The following RPAIN variants were observed in gnomAD, a reference collection of about 807,000 sequenced individuals.
The protein encoded by RPAIN is RPA-interacting protein.
In RPAIN, 29 loss-of-function variants were observed where a neutral mutation model predicts 30.5. That is an observed-to-expected ratio of 0.95 (90% confidence interval 0.71 to 1.30). The LOEUF (loss-of-function observed/expected upper bound fraction) is 1.30, where lower values mean the gene tolerates loss of function less well. RPAIN is among the 50% of genes most tolerant of loss of function. The pLI is 0.00. For missense variants in RPAIN, 247 were observed against 264.7 expected (o/e 0.93, Z 0.46); for synonymous variants, 101 against 93.5 (o/e 1.08, Z -0.46).
chr17:5,429,251 C>T, intron 6 of RPAIN: 10 of 985,158 alleles, frequency 1.0e-5, no homozygotes, highest in Non-Finnish European at 1.2e-5. Context: ...TTTAACTTGG[C>T]CTTGAAGCAT....
At chr17:5,425,165 T>G in intron 3 of RPAIN, 2 of 377,068 alleles carry the variant, frequency 5.3e-6, no homozygotes, top group Non-Finnish European at 1.0e-5. Flanking sequence ...TTCCCTAATG[T>G]CTAGACTGTG....
At chr17:5,423,928 T>TATG (rs1597340978) in intron 3 of RPAIN, among the ~76,000 whole-genome samples, 2 of 136,030 alleles carry the variant, frequency 1.5e-5, no homozygotes, top group Non-Finnish European at 3.1e-5. Flanking sequence ...AATTTTTTTT[T>TATG]ATTAATTTTT....
At chr17:5,431,689 G>T (rs1597347564) in intron 6 of RPAIN, 1 of 454,358 alleles carries the variant, frequency 2.2e-6, no homozygotes, top group South Asian at 1.6e-5. Context: ...AGGATGTGTT[G>T]AAAGATAGGG....
At chr17:5,431,653 G>T in intron 6 of RPAIN, 1 of 456,662 alleles carries the variant, frequency 2.2e-6, no homozygotes, top group Non-Finnish European at 4.4e-6. Flanking sequence ...AGGTCAGGAC[G>T]TAGGGACGCT....
intron 3 of RPAIN, 40 bp downstream of exon 3, chr17:5,422,869 T>A: frequency 6.9e-7 from 1 of 1,444,320 alleles, no homozygotes; most frequent in Non-Finnish European, 9.7e-7. Flanking sequence ...TGTATTTAGC[T>A]ACTGGAATAC....
intron 6 of RPAIN, chr17:5,429,664 A>G (rs1000595902): frequency 1.0e-6 from 1 of 985,458 alleles, no homozygotes; most frequent in South Asian, 4.7e-5. Context: ...CCTGTTGACT[A>G]CAAGCATATG....
chr17:5,432,193 C>T, intron 6 of RPAIN: 1 of 239,810 alleles, frequency 4.2e-6, no homozygotes, highest in Non-Finnish European at 8.1e-6. Flanking sequence ...TCTCATCTTC[C>T]TGCTGGGCTC....
At chr17:5,428,697 C>T in intron 6 of RPAIN, 1 of 972,958 alleles carries the variant, frequency 1.0e-6, no homozygotes, top group Non-Finnish European at 1.3e-6. Flanking sequence ...AAGGGAACCA[C>T]CTGTCTTAGA....
At position 5,432,799 on chromosome 17, in the gene RPAIN, ATG is replaced by A; in HGVS notation, c.*230_*231del. On this transcript the variant is annotated 3_prime_UTR_variant, in exon 7 of 7. Transcript: ENST00000381209. ...GCCTTGGAGGAGATAAACCAATTTT[ATG>A]TCTATCATGTTATACAAAAATCTAG... is the stretch of plus-strand genomic sequence containing the variant. 1 of 795,754 alleles carries A rather than the reference ATG, an allele frequency of 1.3e-6. No individual in the cohort carries two copies. Among genetic ancestry groups the A allele is most frequent in the South Asian group, 2.3e-5 (1 of 43,458 alleles). The allele number at this position is 795,754 out of a possible 1,614,324, so 49.3% of individuals were successfully genotyped here.
At chr17:5,430,717 A>G (rs77718797) in intron 6 of RPAIN, 2,219 of 152,388 alleles carry the variant, frequency 0.015, 32 homozygotes, top group Middle Eastern at 0.051. Context: ...ATATTAATAA[A>G]GAGGTGCTTA....
chr17:5,429,357 A>C, intron 6 of RPAIN: 1 of 985,530 alleles, frequency 1.0e-6, no homozygotes, highest in South Asian at 4.7e-5. Flanking sequence ...GAGAAGCAGG[A>C]AACTGGAGTA....
chr17:5,429,555 G>T (rs1915713407), intron 6 of RPAIN: 1 of 985,336 alleles, frequency 1.0e-6, no homozygotes, highest in South Asian at 4.7e-5. Flanking sequence ...GCTGTTTCCT[G>T]CTCCAGGCTC....
chr17:5,421,574 C>G, intron 2 of RPAIN, 108 bp downstream of exon 2: 1 of 919,220 alleles, frequency 1.1e-6, no homozygotes, highest in Non-Finnish European at 1.6e-6. Flanking sequence ...ATTCCCCTAA[C>G]CCCATTTAGA....
rs375001488 is a variant in RPAIN, at chr17:5,421,348, G to A, written c.134G>A (p.Arg45His). The part of the protein sequence containing the change: ...NSRDRLLNRY[R>H]QAGSSGPGNS... ...CGGGACAGGCTCCTAAACAGGTACC[G>A]CCAGGCTGGAAGCAGTGGGCCAGGG... The change falls in exon 2 of 7, where the codon CGC (arginine) becomes CAC (histidine). Residue 45 changes from arginine (R) to histidine (H), a missense_variant. Transcript: ENST00000381209. 4 of 1,613,602 alleles carry A rather than the reference G, an allele frequency of 2.5e-6. No individual in the cohort carries two copies. The highest frequency in any genetic ancestry group is 1.3e-5 in the African/African-American group (1 of 74,760).
chr17:5,425,156 TCC>T, intron 3 of RPAIN: 1 of 348,576 alleles, frequency 2.9e-6, no homozygotes, highest in African/African-American at 2.2e-5. Flanking sequence ...TTTGACCCCT[TCC>T]CTAATGTCTA....
rs772150794 is a variant in RPAIN at position 5,428,312 on chromosome 17, A to G, written c.630+101A>G. ...TGACCTATAAACAGGTAAATGTTTA[A>G]TGCAGTTTATTATCTGAGGAATTTA... On this transcript the variant is annotated intron_variant, in intron 6 of 6. Coordinates refer to ENST00000381209, the MANE Select transcript of RPAIN (RefSeq NM_001033002.4). The G allele has an allele frequency of 5.1e-6, 8 of 1,578,586 alleles. No homozygotes were observed. In the South Asian group the frequency reaches 9.1e-5, roughly 18 times the overall value.
rs1915396478 is a variant in RPAIN, at chr17:5,426,397, T to G, written c.489+98T>G. 2.9e-6 allele frequency: 3 copies of G among 1,046,786 alleles called. No homozygotes were observed. The East Asian group carries it at 7.1e-5, about 25-fold the overall frequency. 64.8% of individuals were successfully genotyped at this position (1,046,786 alleles called of 1,614,324 possible). Reference sequence around the variant, plus strand: ...CTGACTTGGAGCCCATTGTGCATATTTCTTCCCAGTTTTATGTTCAGTGGT... The same window carrying G: ...CTGACTTGGAGCCCATTGTGCATATGTCTTCCCAGTTTTATGTTCAGTGGT... On this transcript the variant is annotated intron_variant, in intron 5 of 6. Transcript: ENST00000381209.
At position 5,420,852 on chromosome 17, in the gene RPAIN, T is replaced by C. The variant is rs376824035; in HGVS notation, c.82-444T>C. On this transcript the variant is annotated intron_variant, in intron 1 of 6. Transcript: ENST00000381209. ...ACGTCTCGGGCCTCCACCCACTAGATGCTAATAGTCCTATAACTAGAATTG... is the reference window on the plus strand; with the variant it reads ...ACGTCTCGGGCCTCCACCCACTAGACGCTAATAGTCCTATAACTAGAATTG... Among the ~76,000 whole-genome samples the C allele has an allele frequency of 3.3e-5, 5 of 152,224 alleles. No homozygotes were observed. The South Asian group carries it at 6.2e-4, about 19-fold the overall frequency.
At chr17:5,421,568 C>A (rs1163934451) in intron 2 of RPAIN, 102 bp downstream of exon 2, 2 of 1,024,420 alleles carry the variant, frequency 2.0e-6, no homozygotes, top group African/African-American at 1.6e-5. Flanking sequence ...CCCACCATTC[C>A]CCTAACCCCA....
Sources: gnomAD v4.1 joint callset for allele counts (sites outside exome capture counted in the v4.1 genomes callset) on GRCh38, gnomAD v4.1.1 for gene constraint, MANE v1.5 for transcripts, NCBI Gene and HGNC (gene_info 2026-07-23, HGNC 2026-07-21) for gene names.